Variants in EDEM3 observed in about 807,000 individuals in gnomAD.
EDEM3 encodes ER degradation-enhancing alpha-mannosidase-like protein 3.
Under a neutral mutation model 110.2 loss-of-function variants are expected in EDEM3, and 60 were observed. The observed-to-expected ratio is 0.54, with a 90% CI of 0.44 to 0.67. The LOEUF (loss-of-function observed/expected upper bound fraction) is 0.67. Among genes scored for constraint, EDEM3 ranks in the 30% least tolerant of loss-of-function variants. EDEM3 has a pLI of 0.00. For missense variants in EDEM3, 996 were observed against 1,121.0 expected (o/e 0.89, Z 1.59); for synonymous variants, 352 against 382.9 (o/e 0.92, Z 0.94).
intron 2 of EDEM3, among the ~76,000 whole-genome samples, chr1:184,744,249 A>AACATATAT (rs1269022771): frequency 1.1e-5 from 1 of 87,594 alleles, no homozygotes; most frequent in African/African-American, 4.1e-5. Context: ...ACAAATGACA[A>AACATATAT]ATATATATAT....
Position 184,702,920 on chromosome 1 carries a change from G to A in EDEM3, c.2280C>T (p.Ile760=). ...TGAATAAGAACAGCATGGGGATCTT[G>A]ATGTCATCTGTATCCTTTCCATCAC... The part of the protein sequence containing the change: ...MAGDGKDTDD[I]KIPMLFLFSK... The change falls in exon 19 of 20, where the codon ATC becomes ATT. Residue 760 remains isoleucine (I), a synonymous_variant. Coordinates refer to ENST00000318130, the MANE Select transcript of EDEM3 (RefSeq NM_025191.4). 6.2e-7 allele frequency: 1 copy of A among 1,613,704 alleles called. No homozygotes were observed. The highest frequency in any genetic ancestry group is 8.5e-7 in the Non-Finnish European group (1 of 1,179,806).
Position 184,726,364 on chromosome 1 carries a change from T to C in EDEM3, c.638A>G (p.Lys213Arg). ...CTCAGTTCCTGTCCGAGCTTCTGGT[T>C]TTCTGATGCCAAACTTTAAATTAAT... ...PRINLKFGIR[K>R]PEARTGTETD... Residue 213 changes from lysine (K) to arginine (R), a missense_variant, in exon 7 of 20, where the codon AAA (lysine) becomes AGA (arginine). Transcript: ENST00000318130. 6.2e-7 allele frequency: 1 copy of C among 1,613,492 alleles called. No homozygotes were observed. Among genetic ancestry groups the C allele is most frequent in the Non-Finnish European group, 8.5e-7 (1 of 1,179,612 alleles).
At chr1:184,732,714 A>G in intron 6 of EDEM3, 123 bp downstream of exon 6, 1 of 906,246 alleles carries the variant, frequency 1.1e-6, no homozygotes, top group Non-Finnish European at 1.6e-6. Flanking sequence ...TTTGTTATAT[A>G]GCTTTGAAGC....
At chr1:184,696,674 T>G (rs142257167) in intron 19 of EDEM3, among the ~76,000 whole-genome samples, 2 of 152,110 alleles carry the variant, frequency 1.3e-5, no homozygotes, top group African/African-American at 4.8e-5. Flanking sequence ...AATTAGGCAA[T>G]TAGGGAAACC....
chr1:184,694,370 T>C lies in EDEM3; in HGVS notation c.2492A>G (p.Asp831Gly). 2 of 1,612,536 alleles carry C rather than the reference T, an allele frequency of 1.2e-6. No individual in the cohort carries two copies. The highest frequency in any genetic ancestry group is 1.7e-6 in the Non-Finnish European group (2 of 1,179,510). The change falls in exon 20 of 20, where the codon GAT becomes GGT. Residue 831 changes from aspartate (D) to glycine (G), a missense_variant. Around this residue, in one of 5 missense-constraint regions of EDEM3, gnomAD observed 345 missense variants for 402.0 expected, o/e 0.86. Transcript: ENST00000318130. The stretch of plus-strand genomic sequence containing the variant: ...AGAATTTTCCTCAGAAGACTCTTGA[T>C]CAACCAAATCAACCTCCTGAGAACT... Reference protein sequence around the residue: ...SSSSQEVDLVDQESSEENSLN... With the variant: ...SSSSQEVDLVGQESSEENSLN...
At chr1:184,728,656 C>A (rs986150000) in intron 6 of EDEM3, among the ~76,000 whole-genome samples, 1 of 151,222 alleles carries the variant, frequency 6.6e-6, no homozygotes, top group Non-Finnish European at 1.5e-5. Flanking sequence ...TGTCACTAGG[C>A]TGGAGTGCAG....
In EDEM3 at chr1:184,734,614, ATCTTCAAAT is replaced by A; in HGVS notation, c.366_374del (p.Glu122_Glu124del). On this transcript the variant is annotated inframe_deletion, in exon 5 of 20. Transcript: ENST00000318130. ...CATCTCTTAAAACTTTTCTCACTGCATCTTCAAATTCTTTAGTTTTATTTAAAACCTGGG... is the reference window on the plus strand; with the variant it reads ...CATCTCTTAAAACTTTTCTCACTGCATCTTTAGTTTTATTTAAAACCTGGG... 1 of 1,524,450 alleles carries A rather than the reference ATCTTCAAAT, an allele frequency of 6.6e-7. No homozygotes were observed. The highest frequency in any genetic ancestry group is 1.3e-5 in the South Asian group (1 of 79,476). The allele number at this position is 1,524,450 out of a possible 1,614,324, so 94.4% of individuals were successfully genotyped here. A position where few individuals can be genotyped will look rare whatever the true frequency, so the allele number is the denominator to read the frequency against.
At position 184,705,937 on chromosome 1, in the gene EDEM3, T is replaced by C. The variant is rs556869253; in HGVS notation, c.2203+706A>G. On this transcript the variant is annotated intron_variant, in intron 18 of 19. Transcript: ENST00000318130. ...GTTGATACATATAGGTAAGATGATT[T>C]AAAGGTGGTAACTTGTCATTTCGGT... 6.6e-5 allele frequency among the ~76,000 whole-genome samples: 10 copies of C among 152,258 alleles called. No homozygotes were observed. The South Asian group carries it at 2.1e-3, about 32-fold the overall frequency.
chr1:184,726,318 A>G lies in EDEM3; in HGVS notation c.684T>C (p.Cys228=), dbSNP rs1461714731. 1.2e-6 allele frequency: 2 copies of G among 1,613,960 alleles called. No individual in the cohort carries two copies. Among genetic ancestry groups the G allele is most frequent in the South Asian group, 1.1e-5 (1 of 91,076 alleles). Residue 228 remains cysteine, a synonymous_variant, in exon 7 of 20, where the codon TGT becomes TGC. Coordinates refer to ENST00000318130, the MANE Select transcript of EDEM3 (RefSeq NM_025191.4). The part of the protein sequence containing the change: ...TGTETDTCTA[C]AGTLILEFAA... ...CAAATTCAAGGATCAAGGTACCTGC[A>G]CAAGCTGTACAGGTATCTGTCTCAG...
At chr1:184,701,589 T>G in intron 19 of EDEM3, 1 of 1,212,214 alleles carries the variant, frequency 8.2e-7, no homozygotes, top group South Asian at 1.3e-5. Context: ...AAAAAGCAAA[T>G]GCATTAAAGA....
chr1:184,708,873 G>C (rs1650075653), intron 16 of EDEM3, among the ~76,000 whole-genome samples: 1 of 152,194 alleles, frequency 6.6e-6, no homozygotes, highest in Non-Finnish European at 1.5e-5. Context: ...TGGGAAAGTG[G>C]AAAAGGAGCA....
chr1:184,712,622 A>G (rs766770388), intron 13 of EDEM3, 24 bp from the exon 14 acceptor site: 2 of 1,425,088 alleles, frequency 1.4e-6, no homozygotes, highest in Non-Finnish European at 1.9e-6. Flanking sequence ...TCACAAATAA[A>G]TATAAGTAGA....
Position 184,708,287 on chromosome 1 carries a change from A to G in EDEM3, c.1903T>C (p.Leu635=), listed in dbSNP as rs1335973276. The G allele has an allele frequency of 6.2e-7, 1 of 1,613,348 alleles. No individual in the cohort carries two copies. Among genetic ancestry groups the G allele is most frequent in the Non-Finnish European group, 8.5e-7 (1 of 1,179,808 alleles). ...TGTTCTTTTTGTTGCTGACTTGACA[A>G]TTCAATCATCTCCTGCATGAACCTC... is the stretch of plus-strand genomic sequence containing the variant. ...GLRFMQEMIE[L]SSQQQKEQQL... Residue 635 remains leucine, a synonymous_variant, in exon 17 of 20, where the codon TTG becomes CTG. Transcript: ENST00000318130.
intron 2 of EDEM3, among the ~76,000 whole-genome samples, chr1:184,746,509 T>C (rs1030869000): frequency 6.6e-6 from 1 of 152,216 alleles, no homozygotes; most frequent in Admixed American, 6.5e-5. Flanking sequence ...TTGCCAGATA[T>C]TAGTTCTAAG....
intron 19 of EDEM3, among the ~76,000 whole-genome samples, chr1:184,701,727 AC>A (rs1649634894): frequency 6.6e-6 from 1 of 151,990 alleles, no homozygotes; most frequent in African/African-American, 2.4e-5. Context: ...AGACTAGAAA[AC>A]CTTTGTATTC....
At chr1:184,739,215 ATTATT>A (rs2102122080) in intron 2 of EDEM3, among the ~76,000 whole-genome samples, 2 of 150,158 alleles carry the variant, frequency 1.3e-5, no homozygotes, top group Admixed American at 1.3e-4. Flanking sequence ...CATTATTTTA[ATTATT>A]TTATCATTAA....
Position 184,708,245 on chromosome 1 carries a change from C to T in EDEM3, c.1945G>A (p.Ala649Thr). The change falls in exon 17 of 20, where the codon GCT becomes ACT. Residue 649 changes from alanine to threonine, a missense_variant. By Grantham distance (58) the Ala-to-Thr change is moderately conservative (BLOSUM62 0). Around this residue, in one of 5 missense-constraint regions of EDEM3, gnomAD observed 345 missense variants for 402.0 expected, o/e 0.86. Transcript: ENST00000318130. ...QQKEQQLPPRAVQIVSHPFFG... is the reference protein window; with the variant it reads ...QQKEQQLPPRTVQIVSHPFFG... ...AATGGGTGGGAAACAATTTGTACAGCTCGTGGAGGCAGCTGCTGTTCTTTT... is the reference window on the plus strand; with the variant it reads ...AATGGGTGGGAAACAATTTGTACAGTTCGTGGAGGCAGCTGCTGTTCTTTT... The T allele has an allele frequency of 6.2e-7, 1 of 1,613,620 alleles. No individual in the cohort carries two copies. The highest frequency in any genetic ancestry group is 8.5e-7 in the Non-Finnish European group (1 of 1,179,870).
Position 184,716,915 on chromosome 1 carries a change from T to C in EDEM3, c.1343A>G (p.Asp448Gly). ...GTCCTCATGACTTCCAGTACGAACA[T>C]CCTTCATGGCAGCAAATCCGCAAGG... ...RVPCGFAAMK[D>G]VRTGSHEDRM... Residue 448 changes from aspartate to glycine, a missense_variant, in exon 13 of 20, where the codon GAT becomes GGT. This residue lies in a region of EDEM3 where 310 missense variants were observed against 394.6 expected (regional missense o/e 0.79). Coordinates refer to ENST00000318130, the MANE Select transcript of EDEM3 (RefSeq NM_025191.4). 1.2e-6 allele frequency: 2 copies of C among 1,613,438 alleles called. No homozygotes were observed. The highest frequency in any genetic ancestry group is 8.5e-7 in the Non-Finnish European group (1 of 1,179,450).
At chr1:184,747,168 TA>T (rs146554571) in intron 2 of EDEM3, among the ~76,000 whole-genome samples, 2 of 151,748 alleles carry the variant, frequency 1.3e-5, no homozygotes, top group Middle Eastern at 3.4e-3. Flanking sequence ...TCCTGTTCTT[TA>T]AAAAAAAATC....
Sources: allele counts gnomAD v4.1 joint callset (sites outside exome capture counted in the v4.1 genomes callset), GRCh38; gene constraint gnomAD v4.1.1; regional missense constraint gnomAD v4.1.1; transcripts MANE v1.5; gene names NCBI Gene and HGNC (gene_info 2026-07-23, HGNC 2026-07-21).